Variants in ERBB3 observed in about 807,000 individuals in gnomAD.
The protein encoded by ERBB3 is receptor tyrosine-protein kinase erbB-3.
In ERBB3, 96 loss-of-function variants were observed where a neutral mutation model predicts 156.7. That is an observed-to-expected ratio of 0.61 (90% confidence interval 0.52 to 0.73). The LOEUF is 0.73. ERBB3 is among the 30% of genes least tolerant of loss of function. The probability of loss-of-function intolerance (pLI) is 0.00; values close to 1 mark genes in which losing one functional copy is unlikely to be tolerated. For synonymous variants in ERBB3, 567 were observed against 632.0 expected (o/e 0.90, Z 1.54); for missense variants, 1,406 against 1,709.4 (o/e 0.82, Z 3.13).
chr12:56,084,745 G>C (rs1162803435), intron 2 of ERBB3, among the ~76,000 whole-genome samples: 1 of 152,132 alleles, frequency 6.6e-6, no homozygotes, highest in Non-Finnish European at 1.5e-5. Flanking sequence ...CTACTTGGGA[G>C]GCTGCGGCAG....
Position 56,101,149 on chromosome 12 carries a change from C to T in ERBB3, c.3290C>T (p.Ser1097Leu), listed in dbSNP as rs1869082313. The T allele has an allele frequency of 1.9e-6, 3 of 1,613,964 alleles. No homozygotes were observed. The highest frequency in any genetic ancestry group is 2.7e-5 in the African/African-American group (2 of 74,888). Residue 1097 changes from serine (S) to leucine (L), a missense_variant, in exon 27 of 28, where the codon TCA becomes TTA. Coordinates refer to ENST00000267101, the MANE Select transcript of ERBB3 (RefSeq NM_001982.4). ...CGGGGATGCCTGGCATCAGAGTCAT[C>T]AGAGGGGCATGTAACAGGCTCTGAG... ...MPRGCLASES[S>L]EGHVTGSEAE...
chr12:56,096,166 T>A (rs192151273), intron 17 of ERBB3: 7 of 508,916 alleles, frequency 1.4e-5, no homozygotes, highest in Non-Finnish European at 2.1e-5. Context: ...GGATGATGTA[T>A]GTGAAAGTGC....
chr12:56,101,250 G>A lies in ERBB3; in HGVS notation c.3391G>A (p.Ala1131Thr), dbSNP rs150312718. Residue 1131 changes from alanine (A) to threonine (T), a missense_variant, in exon 27 of 28, where the codon GCC becomes ACC. Ala to Thr is a moderately conservative substitution (Grantham distance 58). Coordinates refer to ENST00000267101, the MANE Select transcript of ERBB3 (RefSeq NM_001982.4). ...GAGCCCACGGCCACGCGGAGATAGC[G>A]CCTACCATTCCCAGCGCCACAGTCT... ...SRSPRPRGDS[A>T]YHSQRHSLLT... 781 of 1,614,046 alleles carry A rather than the reference G, an allele frequency of 4.8e-4. 9 individuals are homozygous for A. The African/African-American group carries it at 9.4e-3, about 19-fold the overall frequency.
In ERBB3 at chr12:56,100,012, C is replaced by T. The variant is rs1418603182; in HGVS notation, c.3112C>T (p.Leu1038Phe). The T allele has an allele frequency of 6.2e-7, 1 of 1,614,252 alleles. No individual in the cohort carries two copies. The highest frequency in any genetic ancestry group is 2.2e-5 in the East Asian group (1 of 44,888). Residue 1038 changes from leucine (L) to phenylalanine (F), a missense_variant, in exon 25 of 28, where the codon CTT becomes TTT. Coordinates refer to ENST00000267101, the MANE Select transcript of ERBB3 (RefSeq NM_001982.4). Reference protein sequence around the residue: ...GSALSLPVGTLNRPRGSQSLL... With the variant: ...GSALSLPVGTFNRPRGSQSLL... Reference sequence around the variant, plus strand: ...CGCCCTCAGCCTACCAGTTGGAACACTTAATCGGCCACGTGGGGTAAGACA... The same window carrying T: ...CGCCCTCAGCCTACCAGTTGGAACATTTAATCGGCCACGTGGGGTAAGACA...
Position 56,088,130 on chromosome 12 carries a change from A to C in ERBB3, c.842A>C (p.Gln281Pro). 6.2e-7 allele frequency: 1 copy of C among 1,614,182 alleles called. No individual in the cohort carries two copies. The highest frequency in any genetic ancestry group is 8.5e-7 in the Non-Finnish European group (1 of 1,180,012). Residue 281 changes from glutamine (Q) to proline (P), a missense_variant, in exon 7 of 28, where the codon CAG becomes CCG. By Grantham distance (76) the Gln-to-Pro change is moderately conservative. Transcript: ENST00000267101. The part of the protein sequence containing the change: ...QLEPNPHTKY[Q>P]YGGVCVASCP... The stretch of plus-strand genomic sequence containing the variant: ...GAACCCAATCCCCACACCAAGTATC[A>C]GTATGGAGGAGTTTGTGTAGCCAGC...
In ERBB3 at chr12:56,099,861, C is replaced by T. The variant is rs759192377; in HGVS notation, c.2961C>T (p.Ala987=). ...VIKRESGPGI[A]PGPEPHGLTN... ...AGAGAGAGAGTGGGCCTGGAATAGC[C>T]CCTGGGCCAGAGCCCCATGGTCTGA... Residue 987 remains alanine, a synonymous_variant, in exon 25 of 28, where the codon GCC becomes GCT. Coordinates refer to ENST00000267101, the MANE Select transcript of ERBB3 (RefSeq NM_001982.4). 8 of 1,614,130 alleles carry T rather than the reference C, an allele frequency of 5.0e-6. No individual in the cohort carries two copies. The highest frequency in any genetic ancestry group is 2.2e-5 in the East Asian group (1 of 44,862).
intron 23 of ERBB3, 98 bp downstream of exon 23, chr12:56,099,003 G>A: frequency 3.6e-6 from 4 of 1,121,256 alleles, no homozygotes; most frequent in Non-Finnish European, 3.8e-6. Context: ...CACCCAGGCT[G>A]GAGTGCAATG....
At chr12:56,099,600 T>C (rs770040279) in intron 23 of ERBB3, 48 bp from the exon 24 acceptor site, 2 of 1,532,796 alleles carry the variant, frequency 1.3e-6, no homozygotes, top group Admixed American at 3.3e-5. Flanking sequence ...CGCCCGGCCA[T>C]GGAATGTATT....
chr12:56,080,243 C>G lies in ERBB3; in HGVS notation c.-58C>G. 1 of 1,417,694 alleles carries G rather than the reference C, an allele frequency of 7.1e-7. No homozygotes were observed. The highest frequency in any genetic ancestry group is 9.7e-7 in the Non-Finnish European group (1 of 1,028,782). The allele number at this position is 1,417,694 out of a possible 1,614,324, so 87.8% of individuals were successfully genotyped here. On this transcript the variant is annotated 5_prime_UTR_variant, in exon 1 of 28. Coordinates refer to ENST00000267101, the MANE Select transcript of ERBB3 (RefSeq NM_001982.4). ...TTCAGGTGGCTCTTGCCTCGATGTC[C>G]TAGCCTAGGGGCCCCCGGGCCGGAC...
chr12:56,088,738 AC>A lies in ERBB3; in HGVS notation c.989-9del, dbSNP rs754255751. On this transcript the variant is annotated splice_polypyrimidine_tract_variant and intron_variant, in intron 8 of 27. Coordinates refer to ENST00000267101, the MANE Select transcript of ERBB3 (RefSeq NM_001982.4). ...AGACCACCCCCACTGAACCTCTCTT[AC>A]ATTTGCAGCCTGTGAGGGAACAGGC... The A allele has an allele frequency of 1.2e-6, 2 of 1,614,128 alleles. No individual in the cohort carries two copies. Among genetic ancestry groups the A allele is most frequent in the Non-Finnish European group, 1.7e-6 (2 of 1,180,016 alleles).
intron 12 of ERBB3, 89 bp downstream of exon 12, chr12:56,093,639 G>A: frequency 6.4e-7 from 1 of 1,561,344 alleles, no homozygotes; most frequent in Non-Finnish European, 8.8e-7. Flanking sequence ...GTGGGAGTAG[G>A]GTTGAGGGAT....
chr12:56,084,903 G>C (rs1413517545), intron 2 of ERBB3, 92 bp from the exon 3 acceptor site: 24 of 1,593,084 alleles, frequency 1.5e-5, no homozygotes, highest in Non-Finnish European at 2.1e-5. Flanking sequence ...AATTAAAACA[G>C]TTAAAGAGTC....
intron 19 of ERBB3, 66 bp downstream of exon 19, chr12:56,096,912 C>T (rs1868907513): frequency 1.4e-6 from 2 of 1,427,172 alleles, no homozygotes; most frequent in Non-Finnish European, 2.0e-6. Context: ...CATGTAGAAG[C>T]AGGGTCCTGT....
chr12:56,093,284 C>A, intron 11 of ERBB3, 61 bp from the exon 12 acceptor site: 1 of 1,461,410 alleles, frequency 6.8e-7, no homozygotes, highest in Non-Finnish European at 9.6e-7. Flanking sequence ...TAACATGAAT[C>A]CTTTGAATAG....
intron 1 of ERBB3, 135 bp from the exon 2 acceptor site, chr12:56,083,616 G>T: frequency 1.1e-6 from 1 of 926,366 alleles, no homozygotes; most frequent in South Asian, 1.3e-5. Context: ...CTTGTGGGAG[G>T]GTTGGAGGCA....
At position 56,098,247 on chromosome 12, in the gene ERBB3, AC is replaced by A. The variant is rs1249493580; in HGVS notation, c.2617-252del. The A allele has an allele frequency of 4.3e-5, 17 of 396,282 alleles. No individual in the cohort carries two copies. In the Admixed American group the frequency reaches 5.9e-4, roughly 14 times the overall value. The allele number at this position is 396,282 out of a possible 1,614,324, so 24.5% of individuals were successfully genotyped here. A position where few individuals can be genotyped will look rare whatever the true frequency, so the allele number is the denominator to read the frequency against. ...GTGAAACCCCGTCTCTACTAAATAT[AC>A]AAAAAAAAAAAAAATTAGCCAGGCG... On this transcript the variant is annotated intron_variant, in intron 21 of 27. Transcript: ENST00000267101.
intron 1 of ERBB3, among the ~76,000 whole-genome samples, chr12:56,080,869 G>C (rs1868346100): frequency 6.6e-6 from 1 of 152,176 alleles, no homozygotes; most frequent in South Asian, 2.1e-4. Flanking sequence ...GTTCTCTGGT[G>C]TTGGAAAAAC....
chr12:56,091,283 T>TATATAAATAATATATATAAATATAA (rs1565858481), intron 9 of ERBB3, among the ~76,000 whole-genome samples: 1,190 of 50,842 alleles, frequency 0.023, 35 homozygotes, highest in South Asian at 0.13. Context: ...TATATATATA[T>TATATAAATAATATATATAAATATAA]ATATATATAT....
Position 56,102,092 on chromosome 12 carries a change from G to T in ERBB3, c.*37G>T. 1 of 1,578,960 alleles carries T rather than the reference G, an allele frequency of 6.3e-7. No individual in the cohort carries two copies. The highest frequency in any genetic ancestry group is 8.6e-7 in the Non-Finnish European group (1 of 1,159,712). ...TGTGGCACTCAGGGAGCATTTAATG[G>T]CAGCTAGTGCCTTTAGAGGGTACCG... On this transcript the variant is annotated 3_prime_UTR_variant, in exon 28 of 28. Coordinates refer to ENST00000267101, the MANE Select transcript of ERBB3 (RefSeq NM_001982.4).
Sources: gnomAD v4.1 joint callset for allele counts (sites outside exome capture counted in the v4.1 genomes callset) on GRCh38, gnomAD v4.1.1 for gene constraint, MANE v1.5 for transcripts, NCBI Gene and HGNC (gene_info 2026-07-23, HGNC 2026-07-21) for gene names.